The following TAOK3 variants were observed in gnomAD, a reference collection of about 807,000 sequenced individuals.
TAOK3 encodes the protein serine/threonine-protein kinase TAO3.
A neutral mutation model predicts 120.4 loss-of-function variants in TAOK3; 40 were observed. The observed-to-expected ratio is 0.33, with a 90% confidence interval of 0.26 to 0.43. TAOK3 has a LOEUF of 0.43. Ranked by LOEUF, TAOK3 falls within the 20% of genes least tolerant of loss-of-function variation. The probability of loss-of-function intolerance (pLI) is 1.00; values close to 1 mark genes in which losing one functional copy is unlikely to be tolerated. For synonymous variants in TAOK3, 355 were observed against 387.5 expected, an observed-to-expected ratio of 0.92 and a Z score of 0.99; for missense variants, 821 against 1,112.1, an observed-to-expected ratio of 0.74 and a Z score of 3.72.
chr12:118,176,830 G>A (rs772970416), intron 16 of TAOK3, among the ~76,000 whole-genome samples: 5 of 151,702 alleles, frequency 3.3e-5, no homozygotes, highest in South Asian at 2.1e-4. Context: ...GCAGTGGTGC[G>A]ATCTCAGCTC....
chr12:118,360,102 C>T (rs1470848086), intron 1 of TAOK3, among the ~76,000 whole-genome samples: 1 of 150,922 alleles, frequency 6.6e-6, no homozygotes, highest in Non-Finnish European at 1.5e-5. Context: ...CCAGTCTCTA[C>T]TAAAAATACA....
chr12:118,187,983 G>A (rs774900841), intron 14 of TAOK3, among the ~76,000 whole-genome samples: 11 of 152,144 alleles, frequency 7.2e-5, no homozygotes, highest in Non-Finnish European at 1.3e-4. Context: ...CCCTGGGTGA[G>A]TTCACAGATG....
At chr12:118,155,049 G>A (rs1248382751) in intron 19 of TAOK3, among the ~76,000 whole-genome samples, 2 of 151,982 alleles carry the variant, frequency 1.3e-5, no homozygotes, top group Admixed American at 1.3e-4. Context: ...AGGCTAGAGT[G>A]CTGTGGTGTG....
intron 1 of TAOK3, among the ~76,000 whole-genome samples, chr12:118,363,782 C>A (rs1249661288): frequency 6.6e-6 from 1 of 150,578 alleles, no homozygotes; most frequent in African/African-American, 2.5e-5. Flanking sequence ...GAGAGACAGA[C>A]AGACAGACAC....
intron 9 of TAOK3, among the ~76,000 whole-genome samples, chr12:118,220,383 C>T (rs759663673): frequency 5.3e-5 from 8 of 152,034 alleles, no homozygotes; most frequent in Non-Finnish European, 1.2e-4. Context: ...ACAGAATAAA[C>T]TCTGTCAACA....
intron 9 of TAOK3, among the ~76,000 whole-genome samples, chr12:118,226,236 C>T (rs1170202630): frequency 2.0e-5 from 3 of 152,226 alleles, no homozygotes; most frequent in East Asian, 1.9e-4. Flanking sequence ...ATTAGCCAGG[C>T]GTGGTGGCGG....
intron 13 of TAOK3, chr12:118,190,301 G>A (rs1006955426): frequency 1.2e-5 from 2 of 165,666 alleles, no homozygotes; most frequent in African/African-American, 4.8e-5. Flanking sequence ...AAAATGTCAT[G>A]TCCATGTCTA....
intron 1 of TAOK3, among the ~76,000 whole-genome samples, chr12:118,276,831 C>T (rs974516915): frequency 8.5e-5 from 13 of 152,060 alleles, no homozygotes; most frequent in African/African-American, 3.1e-4. Flanking sequence ...ATGGTAAAAC[C>T]CCGTGTCTAC....
At chr12:118,239,342 A>C in intron 5 of TAOK3, 70 bp from the exon 6 acceptor site, 1 of 861,218 alleles carries the variant, frequency 1.2e-6, no homozygotes. Context: ...CAACTAAACA[A>C]CCAATCAAGG....
At chr12:118,184,288 T>C (rs568079565) in intron 14 of TAOK3, among the ~76,000 whole-genome samples, 1 of 152,144 alleles carries the variant, frequency 6.6e-6, no homozygotes, top group South Asian at 2.1e-4. Context: ...TCAAGCTGGA[T>C]AGATGAATTT....
At chr12:118,313,338 A>G (rs2043331283) in intron 1 of TAOK3, among the ~76,000 whole-genome samples, 1 of 151,652 alleles carries the variant, frequency 6.6e-6, no homozygotes, top group Admixed American at 6.6e-5. Flanking sequence ...GTGCAATGGC[A>G]TGATCTTGGC....
At chr12:118,314,928 CTTTTTTT>C (rs913291664) in intron 1 of TAOK3, among the ~76,000 whole-genome samples, 1 of 143,460 alleles carries the variant, frequency 7.0e-6, no homozygotes, top group Non-Finnish European at 1.5e-5. Context: ...TTTTCTTTTT[CTTTTTTT>C]TTTTTAAGAT....
intron 19 of TAOK3, among the ~76,000 whole-genome samples, chr12:118,155,861 C>T (rs1390998204): frequency 1.3e-5 from 2 of 152,072 alleles, no homozygotes; most frequent in African/African-American, 4.8e-5. Flanking sequence ...TTCAGCCTCC[C>T]AAGTTACTGG....
chr12:118,343,371 G>C (rs112537178), intron 1 of TAOK3, among the ~76,000 whole-genome samples: 4,913 of 150,356 alleles, frequency 0.033, 263 homozygotes, highest in African/African-American at 0.11. Context: ...AGGTTACAGT[G>C]AGCTCAGATT....
intron 5 of TAOK3, among the ~76,000 whole-genome samples, chr12:118,243,074 G>A (rs2139991767): frequency 6.6e-6 from 1 of 152,132 alleles, no homozygotes; most frequent in African/African-American, 2.4e-5. Flanking sequence ...GGGGGGAACT[G>A]GAGTGGAGGA....
chr12:118,289,342 C>T (rs2042388151), intron 1 of TAOK3, among the ~76,000 whole-genome samples: 1 of 146,972 alleles, frequency 6.8e-6, no homozygotes, highest in Non-Finnish European at 1.5e-5. Context: ...TATTCTTCTT[C>T]AGGTATTTAG....
chr12:118,199,018 G>T lies in TAOK3; in HGVS notation c.1194+33C>A, dbSNP rs548080059. 5.6e-6 allele frequency: 9 copies of T among 1,611,290 alleles called. No individual in the cohort carries two copies. The African/African-American group carries it at 8.0e-5, about 14-fold the overall frequency. On this transcript the variant is annotated intron_variant, in intron 13 of 20. Coordinates refer to ENST00000392533, the MANE Select transcript of TAOK3 (RefSeq NM_016281.4). ...AACTGGATTCGCTATGATTGACAAA[G>T]CTCACCTCTGTGGAGGGTACCAAGA...
At chr12:118,293,356 G>C (rs1441201988) in intron 1 of TAOK3, among the ~76,000 whole-genome samples, 1 of 152,188 alleles carries the variant, frequency 6.6e-6, no homozygotes, top group Non-Finnish European at 1.5e-5. Context: ...CAAGTTTTAT[G>C]CTTAAGGTGT....
rs1189818981 is a variant in TAOK3, at chr12:118,342,885, G to A, written c.-194+29763C>T. Among the ~76,000 whole-genome samples the A allele has an allele frequency of 2.1e-5, 3 of 146,182 alleles. No individual in the cohort carries two copies. The East Asian group carries it at 6.1e-4, about 30-fold the overall frequency. On this transcript the variant is annotated intron_variant, in intron 1 of 20. Coordinates refer to ENST00000392533, the MANE Select transcript of TAOK3 (RefSeq NM_016281.4). The stretch of plus-strand genomic sequence containing the variant: ...GGAGGCCAAGGTTACAGTGAGTGGC[G>A]ATCCTGCCATTGCACTCCAGCCTGG...
Sources: gnomAD v4.1 joint callset for allele counts (sites outside exome capture counted in the v4.1 genomes callset) on GRCh38, gnomAD v4.1.1 for gene constraint, MANE v1.5 for transcripts, NCBI Gene and HGNC (gene_info 2026-07-23, HGNC 2026-07-21) for gene names.